CAMTA1: variants seen among roughly 807,000 people sequenced by gnomAD.
The protein encoded by CAMTA1 is calmodulin binding transcription activator 1.
In CAMTA1, 27 loss-of-function variants were observed where a neutral mutation model predicts 170.9. That is an observed-to-expected ratio of 0.16 (90% CI 0.12 to 0.22). CAMTA1 has a LOEUF of 0.22. CAMTA1 is among the 10% of genes least tolerant of loss of function. CAMTA1 has a pLI of 1.00. For synonymous variants in CAMTA1, 833 were observed against 891.5 expected (o/e 0.93, Z 1.17); for missense variants, 1,619 against 2,217.2 (o/e 0.73, Z 5.42).
intron 3 of CAMTA1, among the ~76,000 whole-genome samples, chr1:7,030,984 G>A (rs979797261): frequency 2.0e-5 from 3 of 147,912 alleles, no homozygotes; most frequent in African/African-American, 7.5e-5. Flanking sequence ...ACAGGCGCTC[G>A]CCACCATGCC....
rs1210059675 is a variant in CAMTA1, at chr1:7,565,028, G to A, written c.511-75372G>A. Among the ~76,000 whole-genome samples the A allele has an allele frequency of 6.6e-6, 1 of 151,992 alleles. No individual in the cohort carries two copies. The highest frequency in any genetic ancestry group is 2.4e-5 in the African/African-American group (1 of 41,378). On this transcript the variant is annotated intron_variant, in intron 6 of 22. Transcript: ENST00000303635. This position sits in a 1 kb window ranked among gnomAD's most constrained non-coding sequence, Gnocchi z 4.5. ...CAACCACGAGATCAAGGTGGATGGG[G>A]GGTGGGAGCAGAAGGGCAAGGCCCC... is the stretch of plus-strand genomic sequence containing the variant.
In CAMTA1 at chr1:6,905,505, T is replaced by C. The variant is rs556572627; in HGVS notation, c.234+80295T>C. 3.9e-5 allele frequency among the ~76,000 whole-genome samples: 6 copies of C among 152,202 alleles called. No individual in the cohort carries two copies. In the East Asian group the frequency reaches 9.7e-4, roughly 25 times the overall value. On this transcript the variant is annotated intron_variant, in intron 3 of 22. Coordinates refer to ENST00000303635, the MANE Select transcript of CAMTA1 (RefSeq NM_015215.4). The stretch of plus-strand genomic sequence containing the variant: ...CCACTATGCCCGGCCTGCTCCTCCT[T>C]TCTTTACCATCCACCTCTGTCTTGC...
intron 3 of CAMTA1, among the ~76,000 whole-genome samples, chr1:7,048,507 G>T (rs74051100): frequency 0.061 from 9,242 of 152,286 alleles, 884 homozygotes; most frequent in African/African-American, 0.21. Flanking sequence ...CTTTGGTGTG[G>T]CTACGCCAGC....
intron 3 of CAMTA1, among the ~76,000 whole-genome samples, chr1:6,958,856 C>T (rs1229398273): frequency 1.3e-5 from 2 of 151,914 alleles, no homozygotes; most frequent in Non-Finnish European, 2.9e-5. Flanking sequence ...TTTTTTTAAG[C>T]GGATAGTAAA....
intron 11 of CAMTA1, among the ~76,000 whole-genome samples, chr1:7,696,421 C>A (rs1041029458): frequency 5.9e-5 from 9 of 151,840 alleles, no homozygotes; most frequent in African/African-American, 2.2e-4. Context: ...GTCTCGAACA[C>A]CTGACCTCGT....
chr1:6,995,295 C>CTTTTTTTTTTTTTTTTTTTTTTTTTT (rs765139922), intron 3 of CAMTA1, among the ~76,000 whole-genome samples: 6 of 60,624 alleles, frequency 9.9e-5, no homozygotes, highest in Non-Finnish European at 1.4e-4. Flanking sequence ...TTTTTCTTTT[C>CTTTTTTTTTTTTTTTTTTTTTTTTTT]TTTTTTTTTT....
intron 3 of CAMTA1, among the ~76,000 whole-genome samples, chr1:6,902,072 C>CACACACACACA (rs3986505): frequency 3.2e-4 from 28 of 88,488 alleles, no homozygotes; most frequent in African/African-American, 7.5e-4. Context: ...CACACACACA[C>CACACACACACA]AAAAAAAAAA....
At chr1:7,661,669 C>G in intron 7 of CAMTA1, 57 bp from the exon 8 acceptor site, 1 of 1,603,678 alleles carries the variant, frequency 6.2e-7, no homozygotes, top group Non-Finnish European at 8.5e-7. Context: ...CTTGGCCCCA[C>G]CCAGGTCCCC....
At chr1:6,927,406 G>T (rs912588549) in intron 3 of CAMTA1, among the ~76,000 whole-genome samples, 1 of 152,166 alleles carries the variant, frequency 6.6e-6, no homozygotes, top group Non-Finnish European at 1.5e-5. Flanking sequence ...TAAGTAGTTA[G>T]ATATAAACAC....
At chr1:6,888,198 C>T (rs1290947012) in intron 3 of CAMTA1, 4 of 986,148 alleles carry the variant, frequency 4.1e-6, no homozygotes, top group Non-Finnish European at 4.8e-6. Context: ...CGCTGTTGAA[C>T]GAATGTGTGG....
chr1:7,259,757 A>T (rs759777368), intron 5 of CAMTA1, among the ~76,000 whole-genome samples: 11 of 152,214 alleles, frequency 7.2e-5, no homozygotes, highest in Non-Finnish European at 1.5e-4. Flanking sequence ...GCCCTTGGCA[A>T]TGAGCGATAG....
intron 7 of CAMTA1, among the ~76,000 whole-genome samples, chr1:7,650,257 G>T (rs1033408627): frequency 2.0e-5 from 3 of 152,202 alleles, no homozygotes; most frequent in Non-Finnish European, 4.4e-5. Flanking sequence ...ATGCCGCTTC[G>T]CACATCAGGA....
At chr1:7,549,699 C>T (rs183787116) in intron 6 of CAMTA1, among the ~76,000 whole-genome samples, 7 of 152,202 alleles carry the variant, frequency 4.6e-5, no homozygotes, top group Admixed American at 2.0e-4. Context: ...AACAAAGACA[C>T]CTGTGGGCCG....
chr1:7,081,350 T>A (rs1572901556), intron 3 of CAMTA1, among the ~76,000 whole-genome samples: 1 of 152,186 alleles, frequency 6.6e-6, no homozygotes, highest in East Asian at 1.9e-4. Flanking sequence ...AGGAGAAATA[T>A]GTACAGGGTC....
At chr1:7,655,737 A>C (rs1165170833) in intron 7 of CAMTA1, among the ~76,000 whole-genome samples, 1 of 152,042 alleles carries the variant, frequency 6.6e-6, no homozygotes, top group Non-Finnish European at 1.5e-5. Context: ...CGATACACCC[A>C]CACCTATACA....
At chr1:7,653,092 A>G (rs10864309) in intron 7 of CAMTA1, among the ~76,000 whole-genome samples, 109,522 of 151,996 alleles carry the variant, frequency 0.72, 39,645 homozygotes, top group East Asian at 0.92. Flanking sequence ...CAGCGTTTCT[A>G]ATTCTGCAGG....
chr1:7,106,744 C>T (rs928609701), intron 4 of CAMTA1, among the ~76,000 whole-genome samples: 2 of 152,004 alleles, frequency 1.3e-5, no homozygotes, highest in African/African-American at 4.8e-5. Flanking sequence ...TACGGTAGGC[C>T]TTCATTTCAG....
At chr1:6,981,443 AT>A (rs1014403794) in intron 3 of CAMTA1, among the ~76,000 whole-genome samples, 10 of 151,908 alleles carry the variant, frequency 6.6e-5, no homozygotes, top group African/African-American at 1.9e-4. Context: ...TATTTTATTT[AT>A]TTTTTTGAGG....
chr1:7,222,038 G>A (rs562111970), intron 4 of CAMTA1, among the ~76,000 whole-genome samples: 4 of 152,268 alleles, frequency 2.6e-5, no homozygotes, highest in East Asian at 1.9e-4. Context: ...AAACAGGGGC[G>A]ACAGGACTGT....
Sources: gnomAD v4.1 joint callset for allele counts (sites outside exome capture counted in the v4.1 genomes callset) on GRCh38, gnomAD v4.1.1 for gene constraint, Gnocchi (gnomAD v3.1) non-coding constraint, MANE v1.5 for transcripts, NCBI Gene and HGNC (gene_info 2026-07-23, HGNC 2026-07-21) for gene names.